The following TK1 variants were observed in gnomAD, a reference collection of about 807,000 sequenced individuals.
TK1 encodes thymidine kinase, cytosolic.
A neutral mutation model predicts 22.4 loss-of-function variants in TK1; 13 were observed. That is an observed-to-expected ratio of 0.58 (90% CI 0.38 to 0.92). The LOEUF (loss-of-function observed/expected upper bound fraction) is 0.92, where lower values mean the gene tolerates loss of function less well. TK1 is among the 40% of genes least tolerant of loss of function. The probability of loss-of-function intolerance (pLI) is 0.00; values close to 1 mark genes in which losing one functional copy is unlikely to be tolerated. For synonymous variants in TK1, 134 were observed against 125.4 expected, an observed-to-expected ratio of 1.07 and a Z score of -0.46; for missense variants, 251 against 315.7, an observed-to-expected ratio of 0.80 and a Z score of 1.55.
intron 3 of TK1, among the ~76,000 whole-genome samples, chr17:78,183,185 T>C (rs1313765579): frequency 1.3e-5 from 2 of 152,176 alleles, no homozygotes; most frequent in East Asian, 3.8e-4. Context: ...GGATTAGAAA[T>C]TAGTAATGTC....
intron 4 of TK1, among the ~76,000 whole-genome samples, chr17:78,176,308 A>G (rs753831255): frequency 2.6e-5 from 4 of 151,926 alleles, no homozygotes; most frequent in Non-Finnish European, 5.9e-5. Flanking sequence ...ATTCTCATCA[A>G]TCAATCATAT....
intron 3 of TK1, among the ~76,000 whole-genome samples, 181 bp downstream of exon 3, chr17:78,184,874 C>T (rs1339865550): frequency 1.3e-5 from 2 of 152,056 alleles, no homozygotes; most frequent in African/African-American, 2.4e-5. Flanking sequence ...AGTGGAGAAC[C>T]ACTGGCTCCA....
chr17:78,175,204 C>A, intron 5 of TK1, 35 bp from the exon 6 acceptor site: 1 of 1,571,388 alleles, frequency 6.4e-7, no homozygotes, highest in Non-Finnish European at 8.5e-7. Flanking sequence ...GGCGCTCAGC[C>A]ACCTTACCAG....
At chr17:78,180,155 A>C (rs1213657039) in intron 4 of TK1, among the ~76,000 whole-genome samples, 1 of 152,254 alleles carries the variant, frequency 6.6e-6, no homozygotes, top group Non-Finnish European at 1.5e-5. Flanking sequence ...AAAGATCAGC[A>C]GAAGTGACGT....
At position 78,182,648 on chromosome 17, in the gene TK1, G is replaced by T; in HGVS notation, c.244C>A (p.Arg82=). ...CCCAGGGCCTCCTGGGCCACGTCTC[G>T]GAGCAGGCAGGCGGGCAGTGCCTCC... is the stretch of plus-strand genomic sequence containing the variant. ...TMEALPACLL[R]DVAQEALGVA... Residue 82 remains arginine, a synonymous_variant, in exon 4 of 7, where the codon CGA becomes AGA. Coordinates refer to ENST00000301634, the MANE Select transcript of TK1 (RefSeq NM_003258.5). 1.9e-6 allele frequency: 3 copies of T among 1,594,924 alleles called. No homozygotes were observed. The highest frequency in any genetic ancestry group is 2.6e-6 in the Non-Finnish European group (3 of 1,172,566).
chr17:78,179,471 C>T (rs561839023), intron 4 of TK1: 21 of 985,420 alleles, frequency 2.1e-5, no homozygotes, highest in African/African-American at 1.6e-4. Context: ...TGCCAGCTGC[C>T]GGGTGGTCGG....
intron 4 of TK1, chr17:78,179,661 C>T (rs912913149): frequency 1.2e-5 from 12 of 985,326 alleles, no homozygotes; most frequent in Non-Finnish European, 1.4e-5. Context: ...CCTGTGACGT[C>T]CGGGCAGGGT....
In TK1 at chr17:78,179,426, A is replaced by G. The variant is rs149669262; in HGVS notation, c.303+3163T>C. 9.4e-3 allele frequency: 9,266 copies of G among 985,462 alleles called. 45 individuals are homozygous for G. The highest frequency in any genetic ancestry group is 0.01 in the Non-Finnish European group (8,603 of 829,940). The allele number at this position is 985,462 out of a possible 1,614,324, so 61.0% of individuals were successfully genotyped here. On this transcript the variant is annotated intron_variant, in intron 4 of 6. Transcript: ENST00000301634. ...GCTCAGGGGCGCACCTCTGAAGGTCAGAAACGGAATGGCCATACCCAAGCG... is the reference window on the plus strand; with the variant it reads ...GCTCAGGGGCGCACCTCTGAAGGTCGGAAACGGAATGGCCATACCCAAGCG...
At chr17:78,187,061 C>G (rs748951873), upstream of TK1, 52 of 1,515,248 alleles carry the variant, frequency 3.4e-5, 1 homozygote, top group Admixed American at 2.3e-4. Context: ...CCCCTGGTTC[C>G]CGCGCCGACC....
At chr17:78,175,296 C>T in intron 5 of TK1, 127 bp from the exon 6 acceptor site, 1 of 1,340,310 alleles carries the variant, frequency 7.5e-7, no homozygotes, top group Non-Finnish European at 9.9e-7. Context: ...TCCCCCAACC[C>T]CCAGAGCACC....
intron 4 of TK1, among the ~76,000 whole-genome samples, chr17:78,176,934 C>G (rs1401246458): frequency 1.3e-5 from 2 of 152,194 alleles, no homozygotes; most frequent in African/African-American, 4.8e-5. Context: ...AAGAACCCTC[C>G]TGAGTTGAGA....
At chr17:78,175,342 C>T (rs1007306597) in intron 5 of TK1, among the ~76,000 whole-genome samples, 173 bp from the exon 6 acceptor site, 16 of 151,928 alleles carry the variant, frequency 1.1e-4, no homozygotes, top group Non-Finnish European at 1.8e-4. Context: ...TTCAAAGCAC[C>T]TGCCGCAACA....
At position 78,176,805 on chromosome 17, in the gene TK1, G is replaced by A. The variant is rs117919774; in HGVS notation, c.304-1187C>T. 7.1e-3 allele frequency among the ~76,000 whole-genome samples: 1,086 copies of A among 152,266 alleles called. 7 individuals are homozygous for A. Among genetic ancestry groups the A allele is most frequent in the Non-Finnish European group, 0.011 (727 of 68,014 alleles). ...TGTCCTGTGCAGTGTAGGGTGTTGGGCTGCGTCCCTCGCCCCCACCCATTA... is the reference window on the plus strand; with the variant it reads ...TGTCCTGTGCAGTGTAGGGTGTTGGACTGCGTCCCTCGCCCCCACCCATTA... On this transcript the variant is annotated intron_variant, in intron 4 of 6. Transcript: ENST00000301634.
intron 4 of TK1, among the ~76,000 whole-genome samples, chr17:78,180,880 A>G (rs539632010): frequency 3.2e-4 from 48 of 152,352 alleles, no homozygotes; most frequent in African/African-American, 1.2e-3. Context: ...AGAATACCTG[A>G]CCAGAGGTAA....
chr17:78,185,035 T>G lies in TK1; in HGVS notation c.209+20A>C. On this transcript the variant is annotated intron_variant, in intron 3 of 6. Coordinates refer to ENST00000301634, the MANE Select transcript of TK1 (RefSeq NM_003258.5). ...CTTGTGATTTTCCACTGGACAGGAC[T>G]GCAGGGGGCAGGGACTGACCGGTCA... The G allele has an allele frequency of 1.2e-6, 2 of 1,603,534 alleles. No homozygotes were observed. Among genetic ancestry groups the G allele is most frequent in the Non-Finnish European group, 8.5e-7 (1 of 1,171,020 alleles).
At chr17:78,180,130 A>G (rs1395572396) in intron 4 of TK1, among the ~76,000 whole-genome samples, 1 of 152,226 alleles carries the variant, frequency 6.6e-6, no homozygotes, top group Non-Finnish European at 1.5e-5. Flanking sequence ...CCCTGTGCCC[A>G]GGTTCTAGTC....
intron 4 of TK1, among the ~76,000 whole-genome samples, chr17:78,180,987 C>T (rs573434827): frequency 3.7e-4 from 57 of 152,320 alleles, no homozygotes; most frequent in Non-Finnish European, 7.1e-4. Flanking sequence ...TGGTGGCTCA[C>T]GCCTGTAATC....
At chr17:78,177,080 A>C (rs2075705812) in intron 4 of TK1, among the ~76,000 whole-genome samples, 1 of 152,188 alleles carries the variant, frequency 6.6e-6, no homozygotes. Flanking sequence ...CCATAGTCAA[A>C]GAGCTTGGTT....
intron 2 of TK1, 92 bp from the exon 3 acceptor site, chr17:78,185,257 T>A: frequency 1.1e-6 from 1 of 939,306 alleles, no homozygotes; most frequent in Non-Finnish European, 1.7e-6. Context: ...TCATTGTCCC[T>A]AGTGGTATGC....
Sources: allele counts gnomAD v4.1 joint callset (sites outside exome capture counted in the v4.1 genomes callset), GRCh38; gene constraint gnomAD v4.1.1; transcripts MANE v1.5; gene names NCBI Gene and HGNC (gene_info 2026-07-23, HGNC 2026-07-21).